The following NPAS1 variants were observed in gnomAD, a reference collection of about 807,000 sequenced individuals.
NPAS1 encodes neuronal PAS domain-containing protein 1.
In NPAS1, 29 loss-of-function variants were observed where a neutral mutation model predicts 49.2. That is an observed-to-expected ratio of 0.59 (90% CI 0.44 to 0.80). The LOEUF (loss-of-function observed/expected upper bound fraction) is 0.80. NPAS1 is among the 30% of genes least tolerant of loss of function. The pLI is 0.00. For missense variants in NPAS1, 825 were observed against 835.5 expected (o/e 0.99, Z 0.15); for synonymous variants, 408 against 380.4 (o/e 1.07, Z -0.84).
chr19:47,045,755 C>T lies in NPAS1; in HGVS notation c.*104C>T, dbSNP rs79174199. The T allele has an allele frequency of 2.4e-3, 2,664 of 1,129,342 alleles. 39 individuals are homozygous for T. The African/African-American group carries it at 0.039, about 16-fold the overall frequency. The allele number at this position is 1,129,342 out of a possible 1,614,324, so 70.0% of individuals were successfully genotyped here. A position where few individuals can be genotyped will look rare whatever the true frequency, so the allele number is the denominator to read the frequency against. Reference sequence around the variant, plus strand: ...CCTGAGAATTAAACGCCGGCTCTCCCTGCAGTGGTTTGGGCTCCGGGCTGT... The same window carrying T: ...CCTGAGAATTAAACGCCGGCTCTCCTTGCAGTGGTTTGGGCTCCGGGCTGT... On this transcript the variant is annotated 3_prime_UTR_variant, in exon 12 of 12. Coordinates refer to ENST00000602212, the MANE Select transcript of NPAS1 (RefSeq NM_002517.4).
At position 47,019,875 on chromosome 19, in the gene NPAS1, G is replaced by T. The variant is rs1182559705; in HGVS notation, c.-165G>T. ...CCGAGAGCTGGGCGCCACAGCCCGC[G>T]CGTCCCGCTGCGCCCCGCGCGCCCC... On this transcript the variant is annotated 5_prime_UTR_variant, in exon 1 of 12. Transcript: ENST00000602212. The T allele has an allele frequency of 5.9e-6, 2 of 340,980 alleles. No individual in the cohort carries two copies. Among genetic ancestry groups the T allele is most frequent in the Non-Finnish European group, 5.3e-6 (1 of 189,192 alleles). 21.1% of individuals were successfully genotyped at this position (340,980 alleles called of 1,614,324 possible).
chr19:47,022,514 G>A (rs904592234), intron 3 of NPAS1, among the ~76,000 whole-genome samples: 1 of 151,904 alleles, frequency 6.6e-6, no homozygotes, highest in Admixed American at 6.6e-5. Flanking sequence ...AAAGTCCCTG[G>A]AAGTGCCTAG....
intron 9 of NPAS1, 30 bp from the exon 10 acceptor site, chr19:47,040,948 C>G: frequency 7.0e-7 from 1 of 1,437,370 alleles, no homozygotes; most frequent in Non-Finnish European, 9.1e-7. Flanking sequence ...CACCCCACCC[C>G]CTTCCCATCT....
rs747601934 is a variant in NPAS1 at position 47,032,364 on chromosome 19, CCTTCCCTGCCTGCCGCTCCTTG to C, written c.432+16_432+37del. On this transcript the variant is annotated intron_variant, in intron 4 of 11. Transcript: ENST00000602212. ...TCACATCTTGCAGGTGAGTGAGGCC[CCTTCCCTGCCTGCCGCTCCTTG>C]CTACCACCTAGCGGCCGCCTCTGGA... 6.2e-7 allele frequency: 1 copy of C among 1,613,176 alleles called. No homozygotes were observed. The highest frequency in any genetic ancestry group is 1.1e-5 in the South Asian group (1 of 91,052).
Position 47,025,814 on chromosome 19 carries a change from A to G in NPAS1, c.358+3967A>G, listed in dbSNP as rs552201873. Among the ~76,000 whole-genome samples the G allele has an allele frequency of 2.6e-5, 4 of 152,190 alleles. No homozygotes were observed. The East Asian group carries it at 7.7e-4, about 29-fold the overall frequency. On this transcript the variant is annotated intron_variant, in intron 3 of 11. Transcript: ENST00000602212. ...GCTCTCACATTCCTGGGATCAAGTGATTTGCCAACCTTGGCCTCCCAAAGT... is the reference window on the plus strand; with the variant it reads ...GCTCTCACATTCCTGGGATCAAGTGGTTTGCCAACCTTGGCCTCCCAAAGT...
rs1390708760 is a variant in NPAS1 at position 47,021,190 on chromosome 19, CT to C, written c.122+22del. The C allele has an allele frequency of 2.6e-6, 4 of 1,512,118 alleles. No homozygotes were observed. Among genetic ancestry groups the C allele is most frequent in the Non-Finnish European group, 3.5e-6 (4 of 1,131,844 alleles). 93.7% of individuals were successfully genotyped at this position (1,512,118 alleles called of 1,614,324 possible). A position where few individuals can be genotyped will look rare whatever the true frequency, so the allele number is the denominator to read the frequency against. The stretch of plus-strand genomic sequence containing the variant: ...CCGTGGTGAGCAAAGCCCCGCCCCC[CT>C]GGCCGCGGGCCCCCCCCCGGGTCCA... On this transcript the variant is annotated intron_variant, in intron 2 of 11. Transcript: ENST00000602212. This position sits in a 1 kb window ranked among gnomAD's most constrained non-coding sequence, Gnocchi z 5.7.
chr19:47,042,798 T>C lies in NPAS1; in HGVS notation c.1218-12T>C. 1.9e-6 allele frequency: 3 copies of C among 1,599,476 alleles called. No homozygotes were observed. The East Asian group carries it at 6.9e-5, about 37-fold the overall frequency. ...GACCCCTGGCTCCTAACCGCATCCA[T>C]CTTCTCCCCAGCCAAGCCGAGGGTG... On this transcript the variant is annotated splice_polypyrimidine_tract_variant and intron_variant, in intron 10 of 11. Coordinates refer to ENST00000602212, the MANE Select transcript of NPAS1 (RefSeq NM_002517.4).
intron 3 of NPAS1, among the ~76,000 whole-genome samples, chr19:47,027,279 G>C (rs2056876980): frequency 6.6e-6 from 1 of 151,868 alleles, no homozygotes; most frequent in South Asian, 2.1e-4. Context: ...TGACGGGGGA[G>C]ATCTGGGAAC....
At chr19:47,032,761 G>A in intron 5 of NPAS1, 29 bp downstream of exon 5, 1 of 1,541,044 alleles carries the variant, frequency 6.5e-7, no homozygotes, top group Non-Finnish European at 9.0e-7. Context: ...ACCTGGATTG[G>A]CTCAGCCACC....
At chr19:47,040,740 G>GT (rs901810005) in intron 9 of NPAS1, 190 bp downstream of exon 9, 9 of 572,834 alleles carry the variant, frequency 1.6e-5, no homozygotes, top group Admixed American at 6.3e-5. Context: ...TGTGTGTGTG[G>GT]GGGGGGGGTC....
At chr19:47,023,296 C>G (rs1168907422) in intron 3 of NPAS1, among the ~76,000 whole-genome samples, 1 of 152,188 alleles carries the variant, frequency 6.6e-6, no homozygotes, top group Admixed American at 6.5e-5. Context: ...AAGAGAGCCC[C>G]GGCGGCGTCC....
chr19:47,026,864 A>G (rs541713481), intron 3 of NPAS1, among the ~76,000 whole-genome samples: 100 of 152,012 alleles, frequency 6.6e-4, no homozygotes, highest in African/African-American at 2.4e-3. Flanking sequence ...TGAGGCAGGA[A>G]AATCACGTGA....
intron 9 of NPAS1, chr19:47,040,760 G>A: frequency 1.7e-6 from 1 of 599,712 alleles, no homozygotes; most frequent in Non-Finnish European, 2.9e-6. Context: ...CTGGGGGGCT[G>A]TGGGGTCTCC....
rs762574014 is a variant in NPAS1, at chr19:47,045,435, C to A, written c.1557C>A (p.Pro519=). ...GGGGCCTGGCGCCTCCCGGGGACCC[C>A]CCGCCCACCCTCCTGCACGCGGGCT... ...RPWGLAPPGD[P]PPTLLHAGFL... is the part of the protein sequence containing the mutation. Residue 519 remains proline, a synonymous_variant, in exon 12 of 12, where the codon CCC becomes CCA. Coordinates refer to ENST00000602212, the MANE Select transcript of NPAS1 (RefSeq NM_002517.4). 2.5e-6 allele frequency: 4 copies of A among 1,603,566 alleles called. No individual in the cohort carries two copies. The highest frequency in any genetic ancestry group is 2.3e-5 in the East Asian group (1 of 44,424).
At chr19:47,039,595 T>C (rs767321252) in intron 8 of NPAS1, 31 bp downstream of exon 8, 21 of 1,531,928 alleles carry the variant, frequency 1.4e-5, no homozygotes, top group South Asian at 2.5e-5. Flanking sequence ...GGCGGGTGGA[T>C]TGGGGGCACA....
At chr19:47,023,006 G>A (rs1481788366) in intron 3 of NPAS1, among the ~76,000 whole-genome samples, 1 of 152,254 alleles carries the variant, frequency 6.6e-6, no homozygotes, top group African/African-American at 2.4e-5. Context: ...GGAGAAGAGG[G>A]TGTCCTTAGG....
rs1201544558 is a variant in NPAS1, at chr19:47,045,710, G to C, written c.*59G>C. The C allele has an allele frequency of 1.1e-5, 15 of 1,321,026 alleles. No homozygotes were observed. Among genetic ancestry groups the C allele is most frequent in the Non-Finnish European group, 3.0e-6 (3 of 1,014,600 alleles). 81.8% of individuals were successfully genotyped at this position (1,321,026 alleles called of 1,614,324 possible). ...ACAACCGGGGTCCCCCAGGACAGTAGGCCCGGCTCTGCCCGTAGCCCTGAG... is the reference window on the plus strand; with the variant it reads ...ACAACCGGGGTCCCCCAGGACAGTACGCCCGGCTCTGCCCGTAGCCCTGAG... On this transcript the variant is annotated 3_prime_UTR_variant, in exon 12 of 12. Transcript: ENST00000602212.
At chr19:47,041,751 G>C (rs2057023399) in intron 10 of NPAS1, among the ~76,000 whole-genome samples, 1 of 152,110 alleles carries the variant, frequency 6.6e-6, no homozygotes, top group Admixed American at 6.5e-5. Context: ...AAGGCAGGTG[G>C]TTTGCCTGAG....
intron 3 of NPAS1, among the ~76,000 whole-genome samples, chr19:47,028,693 G>A (rs759029100): frequency 9.9e-5 from 15 of 152,156 alleles, no homozygotes; most frequent in Admixed American, 3.3e-4. Context: ...ACACAGCCAG[G>A]GAGGGGAAGC....
Sources: gnomAD v4.1 joint callset for allele counts (sites outside exome capture counted in the v4.1 genomes callset) on GRCh38, gnomAD v4.1.1 for gene constraint, Gnocchi (gnomAD v3.1) non-coding constraint, MANE v1.5 for transcripts, NCBI Gene and HGNC (gene_info 2026-07-23, HGNC 2026-07-21) for gene names.